NFIA: variants seen among roughly 807,000 people sequenced by gnomAD.
NFIA encodes nuclear factor I A.
In NFIA, 8 loss-of-function variants were observed where a neutral mutation model predicts 62.8. The ratio of observed to expected loss-of-function variants is 0.13; its 90% CI spans 0.07 to 0.23. The LOEUF (loss-of-function observed/expected upper bound fraction) is 0.23. NFIA is among the 10% of genes least tolerant of loss of function. The pLI is 1.00. For synonymous variants in NFIA, 235 were observed against 238.1 expected (o/e 0.99, Z 0.12); for missense variants, 410 against 642.1 (o/e 0.64, Z 3.91).
intron 3 of NFIA, among the ~76,000 whole-genome samples, chr1:61,290,602 A>G (rs1311621091): frequency 6.6e-6 from 1 of 152,070 alleles, no homozygotes; most frequent in Non-Finnish European, 1.5e-5. Flanking sequence ...ACAGCTTTGA[A>G]CTCTTCAGTA....
In NFIA at chr1:61,089,031, G is replaced by A. The variant is rs142439418; in HGVS notation, c.559+351G>A. 6.7e-3 allele frequency among the ~76,000 whole-genome samples: 1,015 copies of A among 152,286 alleles called. 15 individuals carry two copies. The highest frequency in any genetic ancestry group is 0.022 in the African/African-American group (934 of 41,554). On this transcript the variant is annotated intron_variant, in intron 2 of 10. Coordinates refer to ENST00000403491, the MANE Select transcript of NFIA (RefSeq NM_001134673.4). ...AACTGACAAATGATCTAGTTTAAAA[G>A]CATTTATTTTGGTATTGAGGCAATA...
intron 2 of NFIA, among the ~76,000 whole-genome samples, chr1:61,170,276 T>C (rs1649864250): frequency 6.6e-6 from 1 of 152,206 alleles, no homozygotes; most frequent in Non-Finnish European, 1.5e-5. Context: ...CCCTGAAAGA[T>C]TTCTAAAATG....
intron 3 of NFIA, among the ~76,000 whole-genome samples, chr1:61,325,932 CAAAAAAAAA>C (rs36122626): frequency 1.1e-5 from 1 of 87,910 alleles, no homozygotes; most frequent in Non-Finnish European, 2.1e-5. Context: ...GACTCTGTCT[CAAAAAAAAA>C]AAAAAAAAAA....
At chr1:61,089,934 C>T (rs1646290712) in intron 2 of NFIA, among the ~76,000 whole-genome samples, 1 of 152,072 alleles carries the variant, frequency 6.6e-6, no homozygotes, top group South Asian at 2.1e-4. Flanking sequence ...CATTTGCATT[C>T]TGTTGGCAGG....
chr1:61,197,354 T>C (rs943013461), intron 2 of NFIA, among the ~76,000 whole-genome samples: 2 of 147,598 alleles, frequency 1.4e-5, no homozygotes, highest in African/African-American at 5.0e-5. Context: ...TTCTTCTGCC[T>C]CAGCCTCCTG....
chr1:61,077,456 A>G, upstream of NFIA: 1 of 498,054 alleles, frequency 2.0e-6, no homozygotes, highest in Middle Eastern at 3.4e-4. Flanking sequence ...TAAAAAAAAA[A>G]TTCTCCAAGA....
At chr1:61,386,588 G>T (rs113842901) in intron 7 of NFIA, among the ~76,000 whole-genome samples, 3 of 152,264 alleles carry the variant, frequency 2.0e-5, no homozygotes, top group African/African-American at 7.2e-5. Context: ...GAATGGAGAT[G>T]AGATTTTACA....
At chr1:61,272,229 A>G (rs1365872671) in intron 2 of NFIA, among the ~76,000 whole-genome samples, 1 of 152,212 alleles carries the variant, frequency 6.6e-6, no homozygotes, top group Non-Finnish European at 1.5e-5. Flanking sequence ...TTAAGCTACA[A>G]ATTGTATATA....
chr1:61,162,520 A>T (rs1649284207), intron 2 of NFIA, among the ~76,000 whole-genome samples: 1 of 152,190 alleles, frequency 6.6e-6, no homozygotes, highest in Admixed American at 6.5e-5. Context: ...CCTGGGTGGG[A>T]TGGCTGTGTC....
At chr1:61,361,167 G>A (rs1245585008) in intron 6 of NFIA, among the ~76,000 whole-genome samples, 2 of 152,212 alleles carry the variant, frequency 1.3e-5, no homozygotes, top group Admixed American at 6.5e-5. Context: ...CACTCAAGGT[G>A]TGGTGGTTCT....
intron 2 of NFIA, among the ~76,000 whole-genome samples, chr1:61,263,933 T>C (rs1272423975): frequency 6.6e-6 from 1 of 151,590 alleles, no homozygotes; most frequent in Non-Finnish European, 1.5e-5. Flanking sequence ...GAGGTTGCAG[T>C]GAGCAGAGAT....
intron 10 of NFIA, among the ~76,000 whole-genome samples, chr1:61,434,731 A>G (rs1667253726): frequency 6.6e-6 from 1 of 152,184 alleles, no homozygotes; most frequent in Non-Finnish European, 1.5e-5. Flanking sequence ...CTGGCACACA[A>G]TAGGTGCTCA....
intron 10 of NFIA, among the ~76,000 whole-genome samples, chr1:61,443,664 C>A (rs1369500129): frequency 6.6e-6 from 1 of 152,158 alleles, no homozygotes; most frequent in East Asian, 1.9e-4. Flanking sequence ...GTTACAGTTA[C>A]TATTAGTATC....
rs919674991 is a variant in NFIA at position 61,436,625 on chromosome 1, C to T, written c.1512+10069C>T. The stretch of plus-strand genomic sequence containing the variant: ...CCATCGAAGATCTCACGTGAGGTCT[C>T]AGTGATTCTTCCTGCCACTTTTCTC... On this transcript the variant is annotated intron_variant, in intron 10 of 10. Transcript: ENST00000403491. Among the ~76,000 whole-genome samples, 4 of 152,270 alleles carry T rather than the reference C, an allele frequency of 2.6e-5. 1 individual carries two copies. The highest frequency in any genetic ancestry group is 4.2e-4 in the South Asian group (2 of 4,816).
At chr1:61,260,890 CAT>C (rs1656732255) in intron 2 of NFIA, among the ~76,000 whole-genome samples, 1 of 152,182 alleles carries the variant, frequency 6.6e-6, no homozygotes, top group Non-Finnish European at 1.5e-5. Context: ...AAGAAATTTT[CAT>C]AGAGTTTCCA....
intron 8 of NFIA, among the ~76,000 whole-genome samples, chr1:61,405,400 AG>A (rs1665767481): frequency 6.6e-6 from 1 of 152,224 alleles, no homozygotes; most frequent in Non-Finnish European, 1.5e-5. Flanking sequence ...TCGTCAGACG[AG>A]GTAGTCTTTG....
intron 2 of NFIA, among the ~76,000 whole-genome samples, chr1:61,210,007 A>G (rs542944767): frequency 6.6e-6 from 1 of 152,330 alleles, no homozygotes; most frequent in Admixed American, 6.5e-5. Context: ...ACAGAGCTTT[A>G]TGCTAGCTAT....
chr1:61,458,211 GAAAAA>G lies in NFIA; in HGVS notation c.*2898_*2902del, dbSNP rs60042926. On this transcript the variant is annotated 3_prime_UTR_variant, in exon 11 of 11. Coordinates refer to ENST00000403491, the MANE Select transcript of NFIA (RefSeq NM_001134673.4). ...TAAAAAATGAAAAAAAGGAAAAAAA[GAAAAA>G]AAAAAAGAAAAAATAGCAGCTTTCA... 7.4e-6 allele frequency: 1 copy of G among 134,510 alleles called. No homozygotes were observed. Among genetic ancestry groups the G allele is most frequent in the Non-Finnish European group, 1.6e-5 (1 of 60,672 alleles). The allele number at this position is 134,510 out of a possible 1,614,324, so 8.3% of individuals were successfully genotyped here. A position where few individuals can be genotyped will look rare whatever the true frequency, so the allele number is the denominator to read the frequency against.
At chr1:61,442,340 T>C (rs1325488243) in intron 10 of NFIA, among the ~76,000 whole-genome samples, 2 of 152,208 alleles carry the variant, frequency 1.3e-5, no homozygotes, top group African/African-American at 4.8e-5. Context: ...GAAACTACTA[T>C]TTTACCAGAA....
Sources: allele counts gnomAD v4.1 joint callset (sites outside exome capture counted in the v4.1 genomes callset), GRCh38; gene constraint gnomAD v4.1.1; transcripts MANE v1.5; gene names NCBI Gene and HGNC (gene_info 2026-07-23, HGNC 2026-07-21).